The following AP3B1 variants were observed in gnomAD, a reference collection of about 807,000 sequenced individuals.
AP3B1 encodes AP-3 complex subunit beta-1.
In AP3B1, 61 loss-of-function variants were observed where a neutral mutation model predicts 132.5. That is an observed-to-expected ratio of 0.46 (90% CI 0.37 to 0.57). AP3B1 has a LOEUF of 0.57. Ranked by LOEUF, AP3B1 falls within the 20% of genes least tolerant of loss-of-function variation. The pLI is 0.00. For synonymous variants in AP3B1, 388 were observed against 438.3 expected (o/e 0.89, Z 1.43); for missense variants, 1,120 against 1,289.4 (o/e 0.87, Z 2.01).
chr5:78,089,494 G>C lies in AP3B1; in HGVS notation c.2476C>G (p.Pro826Ala), dbSNP rs761761243. 8 of 1,608,014 alleles carry C rather than the reference G, an allele frequency of 5.0e-6. No homozygotes were observed. The highest frequency in any genetic ancestry group is 4.4e-5 in the South Asian group (4 of 90,956). Reference protein sequence around the residue: ...VSLLDLDDFNPVSTPVALPTP... With the variant: ...VSLLDLDDFNAVSTPVALPTP... ...GGAAGTGCAACTGGAGTGGATACTG[G>C]GTTAACTGTAAGAAAAGGCCCAAAT... Residue 826 changes from proline to alanine, a missense_variant, in exon 22 of 27, where the codon CCA (proline) becomes GCA (alanine). Coordinates refer to ENST00000255194, the MANE Select transcript of AP3B1 (RefSeq NM_003664.5).
chr5:78,183,199 G>C (rs1307995763), intron 7 of AP3B1, among the ~76,000 whole-genome samples: 1 of 152,210 alleles, frequency 6.6e-6, no homozygotes, highest in Non-Finnish European at 1.5e-5. Flanking sequence ...AAATCCCTCT[G>C]AAGTGTCAGT....
chr5:78,012,175 C>T (rs948635457), intron 26 of AP3B1, among the ~76,000 whole-genome samples: 1 of 151,758 alleles, frequency 6.6e-6, no homozygotes, highest in East Asian at 1.9e-4. Context: ...AATATATAAA[C>T]TTAGATATAG....
Position 78,054,345 on chromosome 5 carries a change from A to G in AP3B1, c.2578-15071T>C, listed in dbSNP as rs77979023. Among the ~76,000 whole-genome samples the G allele has an allele frequency of 5.5e-3, 833 of 152,278 alleles. 6 individuals carry two copies. Among genetic ancestry groups the G allele is most frequent in the African/African-American group, 0.019 (796 of 41,536 alleles). On this transcript the variant is annotated intron_variant, in intron 22 of 26. Coordinates refer to ENST00000255194, the MANE Select transcript of AP3B1 (RefSeq NM_003664.5). ...ATACTAAGATCTTCACTGAATATGG[A>G]TAAGTGATTAAGAGATCCAAAGATA... is the stretch of plus-strand genomic sequence containing the variant.
At chr5:78,176,112 G>A (rs1321319836) in intron 9 of AP3B1, among the ~76,000 whole-genome samples, 1 of 152,112 alleles carries the variant, frequency 6.6e-6, no homozygotes, top group African/African-American at 2.4e-5. Context: ...CATTGTACCT[G>A]CTTTGAACAC....
At chr5:78,067,965 A>AAG (rs778123577) in intron 22 of AP3B1, among the ~76,000 whole-genome samples, 73 of 152,076 alleles carry the variant, frequency 4.8e-4, no homozygotes, top group Non-Finnish European at 7.8e-4. Flanking sequence ...AAAAAAAAAA[A>AAG]TCAATGAATC....
rs755664373 is a variant in AP3B1 at position 78,003,005 on chromosome 5, T to C, written c.3182A>G (p.Glu1061Gly). 9.9e-6 allele frequency: 16 copies of C among 1,614,070 alleles called. No individual in the cohort carries two copies. In the South Asian group the frequency reaches 1.5e-4, roughly 16 times the overall value. ...CTGGGCTGTAGAGCCTTCCTTCAGT[T>C]CCACTGTGACTAGCATCAATGACCC... The part of the protein sequence containing the change: ...HSGSLMLVTV[E>G]LKEGSTAQLI... Residue 1061 changes from glutamate to glycine, a missense_variant, in exon 27 of 27, where the codon GAA (glutamate) becomes GGA (glycine). By Grantham distance (98) the Glu-to-Gly change is moderately conservative. Transcript: ENST00000255194.
chr5:78,177,413 C>T lies in AP3B1; in HGVS notation c.966G>A (p.Leu322=), dbSNP rs1244578454. 1.1e-5 allele frequency: 17 copies of T among 1,613,704 alleles called. No individual in the cohort carries two copies. The highest frequency in any genetic ancestry group is 1.4e-5 in the Non-Finnish European group (17 of 1,179,796). Residue 322 remains leucine, a synonymous_variant, in exon 9 of 27, where the codon CTG becomes CTA. Transcript: ENST00000255194. Reference sequence around the variant, plus strand: ...CAGATTTTGGTGATATGTGCCAATACAGCTGAGCAACTGCCATAACCACCT... The same window carrying T: ...CAGATTTTGGTGATATGTGCCAATATAGCTGAGCAACTGCCATAACCACCT... ...NAAVVMAVAQ[L]YWHISPKSEA...
At position 78,101,063 on chromosome 5, in the gene AP3B1, G is replaced by A. The variant is rs757443943; in HGVS notation, c.2398-38C>T. The A allele has an allele frequency of 6.2e-6, 8 of 1,298,154 alleles. No homozygotes were observed. In the Admixed American group the frequency reaches 1.2e-4, roughly 19 times the overall value. 80.4% of individuals were successfully genotyped at this position (1,298,154 alleles called of 1,614,324 possible). On this transcript the variant is annotated intron_variant, in intron 20 of 26. Transcript: ENST00000255194. ...AAATATTTCATTTATCACACGTTCTGTTTTAAAAATCTGTGGAGTAGTCCT... is the reference window on the plus strand; with the variant it reads ...AAATATTTCATTTATCACACGTTCTATTTTAAAAATCTGTGGAGTAGTCCT...
intron 7 of AP3B1, among the ~76,000 whole-genome samples, chr5:78,195,223 T>G (rs1745032537): frequency 1.3e-5 from 2 of 152,142 alleles, no homozygotes; most frequent in African/African-American, 4.8e-5. Flanking sequence ...TGGGGTAAGG[T>G]AGCAAAACGA....
chr5:78,019,056 A>T (rs1746982095), intron 25 of AP3B1, among the ~76,000 whole-genome samples: 1 of 152,178 alleles, frequency 6.6e-6, no homozygotes, highest in Non-Finnish European at 1.5e-5. Context: ...CAAATACTTC[A>T]TATAAACAAA....
chr5:78,211,587 A>C (rs1403388899), intron 7 of AP3B1, among the ~76,000 whole-genome samples: 1 of 152,222 alleles, frequency 6.6e-6, no homozygotes, highest in Non-Finnish European at 1.5e-5. Flanking sequence ...ATTTTGCCAC[A>C]CTTCAAGCAT....
At chr5:78,247,186 T>C (rs773764637) in intron 2 of AP3B1, among the ~76,000 whole-genome samples, 1 of 151,176 alleles carries the variant, frequency 6.6e-6, no homozygotes, top group Non-Finnish European at 1.5e-5. Context: ...GATAACACAC[T>C]TGCATAATTT....
At chr5:78,029,591 T>C (rs1437027546) in intron 24 of AP3B1, among the ~76,000 whole-genome samples, 1 of 152,224 alleles carries the variant, frequency 6.6e-6, no homozygotes, top group Non-Finnish European at 1.5e-5. Flanking sequence ...GCCACCTTTT[T>C]TTGTTTTATA....
At chr5:78,093,706 T>C (rs1037869587) in intron 21 of AP3B1, among the ~76,000 whole-genome samples, 4 of 152,238 alleles carry the variant, frequency 2.6e-5, no homozygotes, top group African/African-American at 9.6e-5. Context: ...ATTGGCATCA[T>C]CAGCACCAGC....
At chr5:78,172,052 CAT>C (rs1290811981) in intron 11 of AP3B1, among the ~76,000 whole-genome samples, 1 of 152,158 alleles carries the variant, frequency 6.6e-6, no homozygotes, top group African/African-American at 2.4e-5. Context: ...TATTGATTTG[CAT>C]ATGTTGAACC....
chr5:78,040,716 AT>A (rs554750247), intron 22 of AP3B1, among the ~76,000 whole-genome samples: 1 of 152,128 alleles, frequency 6.6e-6, no homozygotes, highest in Non-Finnish European at 1.5e-5. Flanking sequence ...CTTGATTAAG[AT>A]TTTTTCCTGA....
intron 22 of AP3B1, among the ~76,000 whole-genome samples, chr5:78,053,857 C>T (rs1486750981): frequency 6.6e-6 from 1 of 152,088 alleles, no homozygotes; most frequent in East Asian, 1.9e-4. Context: ...CAAGCTGCTA[C>T]ACAAAATAAT....
At chr5:78,088,508 T>C (rs546501262) in intron 22 of AP3B1, among the ~76,000 whole-genome samples, 1 of 152,306 alleles carries the variant, frequency 6.6e-6, no homozygotes, top group South Asian at 2.1e-4. Context: ...ATTTTTTCCA[T>C]AATAACACAC....
intron 22 of AP3B1, among the ~76,000 whole-genome samples, chr5:78,080,450 TTTC>T (rs1420229721): frequency 6.6e-6 from 1 of 151,382 alleles, no homozygotes; most frequent in African/African-American, 2.4e-5. Context: ...AGTTTCCAAT[TTTC>T]TTTTTTTTTT....
Sources: gnomAD v4.1 joint callset for allele counts (sites outside exome capture counted in the v4.1 genomes callset) on GRCh38, gnomAD v4.1.1 for gene constraint, MANE v1.5 for transcripts, NCBI Gene and HGNC (gene_info 2026-07-23, HGNC 2026-07-21) for gene names.